Variants in XRCC4 observed in about 807,000 individuals in gnomAD.
The protein encoded by XRCC4 is DNA repair protein XRCC4.
XRCC4 carries 28 observed loss-of-function variants against 39.1 expected under a neutral mutation model. The observed-to-expected ratio is 0.72, with a 90% CI of 0.53 to 0.98. XRCC4 has a LOEUF of 0.98. XRCC4 is among the 50% of genes least tolerant of loss of function. XRCC4 has a pLI of 0.00. For synonymous variants in XRCC4, 123 were observed against 126.4 expected (o/e 0.97, Z 0.18); for missense variants, 350 against 376.4 (o/e 0.93, Z 0.58).
At chr5:83,204,942 T>C in intron 6 of XRCC4, 21 bp downstream of exon 6, 1 of 1,517,026 alleles carries the variant, frequency 6.6e-7, no homozygotes. Context: ...CATACATTTA[T>C]CTCCTCTGTT....
chr5:83,310,758 C>A (rs1421374909), intron 7 of XRCC4: 1 of 456,242 alleles, frequency 2.2e-6, no homozygotes, highest in African/African-American at 2.0e-5. Context: ...TCTGGATGAA[C>A]CCTAAATGCA....
At chr5:83,136,856 G>T (rs1281695322) in intron 3 of XRCC4, among the ~76,000 whole-genome samples, 2 of 152,096 alleles carry the variant, frequency 1.3e-5, no homozygotes. Flanking sequence ...TCATATTAAT[G>T]GGTTCTGGAG....
chr5:83,361,987 A>T, the XRCC4 span, among the ~76,000 whole-genome samples: 1 of 151,774 alleles, frequency 6.6e-6, no homozygotes, highest in Admixed American at 6.6e-5. Context: ...AATTCCTGTT[A>T]CCTTCTCATG....
intron 3 of XRCC4, among the ~76,000 whole-genome samples, chr5:83,158,824 A>G (rs1749077453): frequency 6.6e-6 from 1 of 152,130 alleles, no homozygotes. Flanking sequence ...TATATAAAAA[A>G]CATTGAAAAA....
intron 7 of XRCC4, among the ~76,000 whole-genome samples, chr5:83,299,645 C>CTAA (rs1165342513): frequency 9.2e-5 from 14 of 151,992 alleles, no homozygotes; most frequent in African/African-American, 2.9e-4. Context: ...TTTCAGTTTT[C>CTAA]TAATTATCTC....
At chr5:83,291,753 C>T (rs1046763185) in intron 7 of XRCC4, among the ~76,000 whole-genome samples, 1 of 151,752 alleles carries the variant, frequency 6.6e-6, no homozygotes, top group African/African-American at 2.4e-5. Flanking sequence ...TCTGTAACAG[C>T]TCATTTGGAG....
intron 3 of XRCC4, among the ~76,000 whole-genome samples, chr5:83,163,964 CAA>C (rs1403872136): frequency 6.6e-6 from 1 of 152,042 alleles, no homozygotes; most frequent in East Asian, 1.9e-4. Context: ...TGGAGAATTG[CAA>C]AAGTTTTAGA....
At chr5:83,270,478 C>G (rs1754102949) in intron 7 of XRCC4, among the ~76,000 whole-genome samples, 1 of 152,130 alleles carries the variant, frequency 6.6e-6, no homozygotes, top group Admixed American at 6.5e-5. Flanking sequence ...TAGTCTAAGC[C>G]ATAATCCTTT....
At chr5:83,104,481 A>AT (rs1280417405) in intron 1 of XRCC4, among the ~76,000 whole-genome samples, 9 of 151,912 alleles carry the variant, frequency 5.9e-5, no homozygotes, top group Non-Finnish European at 8.8e-5. Flanking sequence ...TGAGATGATA[A>AT]TTTTTTGTTT....
chr5:83,247,615 T>C (rs1241126149), intron 6 of XRCC4, among the ~76,000 whole-genome samples: 1 of 152,192 alleles, frequency 6.6e-6, no homozygotes, highest in Non-Finnish European at 1.5e-5. Context: ...GATGATGCCA[T>C]CGTACTAGCA....
At chr5:83,247,094 T>C (rs923156169) in intron 6 of XRCC4, among the ~76,000 whole-genome samples, 7 of 152,252 alleles carry the variant, frequency 4.6e-5, no homozygotes, top group Non-Finnish European at 1.0e-4. Flanking sequence ...CCTGCAATTC[T>C]GCTTAACCAA....
chr5:83,303,173 A>G (rs1036840964), intron 7 of XRCC4, among the ~76,000 whole-genome samples: 29 of 149,410 alleles, frequency 1.9e-4, no homozygotes, highest in Admixed American at 6.1e-4. Flanking sequence ...AGATGGTGCC[A>G]CTGCACTCCA....
chr5:83,324,944 A>G (rs933242052), intron 7 of XRCC4, among the ~76,000 whole-genome samples: 2 of 152,152 alleles, frequency 1.3e-5, no homozygotes, highest in African/African-American at 4.8e-5. Context: ...TCAGGTGATC[A>G]TGTAGAATGG....
chr5:83,213,146 A>G (rs1751720645), intron 6 of XRCC4, among the ~76,000 whole-genome samples: 1 of 152,058 alleles, frequency 6.6e-6, no homozygotes, highest in Non-Finnish European at 1.5e-5. Context: ...ATAGTTTTAT[A>G]TCCAGCAAAG....
chr5:83,135,339 G>C (rs2386239), intron 3 of XRCC4, among the ~76,000 whole-genome samples: 73,217 of 151,404 alleles, frequency 0.48, 18,667 homozygotes, highest in African/African-American at 0.63. Flanking sequence ...GTTCCTATTC[G>C]GCCATCTTGG....
intron 7 of XRCC4, among the ~76,000 whole-genome samples, chr5:83,308,781 CATT>C (rs1417241911): frequency 6.6e-6 from 1 of 152,112 alleles, no homozygotes; most frequent in African/African-American, 2.4e-5. Context: ...ACAAATCACT[CATT>C]AATATTTAGA....
At chr5:83,331,502 A>T (rs973862071) in intron 7 of XRCC4, among the ~76,000 whole-genome samples, 19 of 152,248 alleles carry the variant, frequency 1.2e-4, no homozygotes, top group African/African-American at 4.3e-4. Flanking sequence ...TTTGTAAAAG[A>T]TGTTAAACAT....
chr5:83,237,889 TA>T (rs1284551371), intron 6 of XRCC4, among the ~76,000 whole-genome samples: 6 of 152,126 alleles, frequency 3.9e-5, no homozygotes, highest in African/African-American at 1.4e-4. Context: ...AAATAATTTT[TA>T]AACTACCTAT....
At chr5:83,305,092 A>AT (rs1245492046) in intron 7 of XRCC4, among the ~76,000 whole-genome samples, 1 of 152,092 alleles carries the variant, frequency 6.6e-6, no homozygotes, top group African/African-American at 2.4e-5. Flanking sequence ...GCATTTTCAA[A>AT]TTTTTTTATA....
Sources: gnomAD v4.1 joint callset for allele counts (sites outside exome capture counted in the v4.1 genomes callset) on GRCh38, gnomAD v4.1.1 for gene constraint, MANE v1.5 for transcripts, NCBI Gene and HGNC (gene_info 2026-07-23, HGNC 2026-07-21) for gene names.